The following MDN1 variants were observed in gnomAD, a reference collection of about 807,000 sequenced individuals.
MDN1 encodes midasin AAA ATPase 1.
A neutral mutation model predicts 669.2 loss-of-function variants in MDN1; 266 were observed. That is an observed-to-expected ratio of 0.40 (90% confidence interval 0.36 to 0.44). The LOEUF is 0.44. Among genes scored for constraint, MDN1 ranks in the 20% least tolerant of loss-of-function variants. The pLI is 1.00. For missense variants in MDN1, 5,940 were observed against 6,754.0 expected, an observed-to-expected ratio of 0.88 and a Z score of 4.22; for synonymous variants, 2,385 against 2,457.1, an observed-to-expected ratio of 0.97 and a Z score of 0.87.
At chr6:89,744,863 C>A (rs887118711) in intron 29 of MDN1, among the ~76,000 whole-genome samples, 1 of 152,052 alleles carries the variant, frequency 6.6e-6, no homozygotes, top group Admixed American at 6.6e-5. Flanking sequence ...GCCTGGACAA[C>A]AGAGTGAGAC....
At chr6:89,672,059 T>TA (rs1810822628) in intron 82 of MDN1, 141 bp downstream of exon 82, 4 of 811,494 alleles carry the variant, frequency 4.9e-6, no homozygotes, top group Non-Finnish European at 7.2e-6. Flanking sequence ...TTTGCACGTA[T>TA]AAATAAAGAG....
chr6:89,675,649 A>ACAGCTTTCTAGAG, intron 77 of MDN1, 70 bp from the exon 78 acceptor site: 1 of 1,334,932 alleles, frequency 7.5e-7, no homozygotes, highest in Non-Finnish European at 1.1e-6. Flanking sequence ...GCCTCTAGAA[A>ACAGCTTTCTAGAG]GCTGTTTCTA....
intron 82 of MDN1, among the ~76,000 whole-genome samples, chr6:89,671,770 T>C (rs760236657): frequency 2.0e-5 from 3 of 152,350 alleles, no homozygotes; most frequent in Non-Finnish European, 4.4e-5. Flanking sequence ...CAGAATAACA[T>C]ACAATGTCCT....
intron 7 of MDN1, 22 bp from the exon 8 acceptor site, chr6:89,787,979 G>A (rs376570664): frequency 2.7e-5 from 42 of 1,556,154 alleles, no homozygotes; most frequent in South Asian, 3.4e-5. Context: ...AACAACAACC[G>A]CACTGATAAA....
intron 95 of MDN1, 58 bp downstream of exon 95, chr6:89,652,134 G>T: frequency 1.4e-6 from 2 of 1,436,754 alleles, no homozygotes; most frequent in Non-Finnish European, 9.7e-7. Flanking sequence ...GCTATATGTT[G>T]AACAAACAAA....
chr6:89,704,425 G>A (rs1048751565), intron 53 of MDN1, among the ~76,000 whole-genome samples: 5 of 152,156 alleles, frequency 3.3e-5, no homozygotes, highest in Non-Finnish European at 7.3e-5. Context: ...TCCTGGTAAC[G>A]ATTTTTCTGA....
chr6:89,794,982 C>G (rs1819501507), intron 2 of MDN1, among the ~76,000 whole-genome samples, 181 bp from the exon 3 acceptor site: 1 of 152,012 alleles, frequency 6.6e-6, no homozygotes, highest in Non-Finnish European at 1.5e-5. Context: ...CTACTCTGAC[C>G]AAACCACAAA....
At chr6:89,700,952 C>A in intron 55 of MDN1, 96 bp from the exon 56 acceptor site, 1 of 1,023,338 alleles carries the variant, frequency 9.8e-7, no homozygotes, top group Non-Finnish European at 1.4e-6. Flanking sequence ...ATGATATATT[C>A]TTAATGTTTC....
Position 89,672,588 on chromosome 6 carries a change from G to A in MDN1, c.13589C>T (p.Ala4530Val). Residue 4530 changes from alanine to valine, a missense_variant, in exon 81 of 102, where the codon GCA becomes GTA. Coordinates refer to ENST00000369393, the MANE Select transcript of MDN1 (RefSeq NM_014611.3). ...GCTTGCTTGGTCAGTGTTCTCCTCT[G>A]CTTTTTCATTCTTTCTTTCTTCTAA... Reference protein sequence around the residue: ...QNLEERKNEKAEENTDQASPQ... With the variant: ...QNLEERKNEKVEENTDQASPQ... 6.2e-7 allele frequency: 1 copy of A among 1,614,096 alleles called. No individual in the cohort carries two copies. The highest frequency in any genetic ancestry group is 1.6e-4 in the Middle Eastern group (1 of 6,062).
chr6:89,806,479 G>A (rs951344179), intron 1 of MDN1, among the ~76,000 whole-genome samples: 3 of 152,178 alleles, frequency 2.0e-5, no homozygotes, highest in African/African-American at 7.2e-5. Context: ...CACTTTGGGA[G>A]GCAGAGGGTG....
chr6:89,748,645 A>G (rs969637243), intron 26 of MDN1, among the ~76,000 whole-genome samples: 2 of 152,152 alleles, frequency 1.3e-5, no homozygotes, highest in African/African-American at 4.8e-5. Flanking sequence ...AAATGCTTCA[A>G]TATTATACAC....
chr6:89,719,064 G>A (rs748429386), intron 41 of MDN1, 34 bp from the exon 42 acceptor site: 16 of 1,613,882 alleles, frequency 9.9e-6, no homozygotes, highest in Admixed American at 1.7e-5. Context: ...TTCCATAAGC[G>A]TGCCTGGTAG....
At chr6:89,701,847 T>G (rs1185171274) in intron 54 of MDN1, 57 bp downstream of exon 54, 1 of 1,563,150 alleles carries the variant, frequency 6.4e-7, no homozygotes, top group Non-Finnish European at 8.7e-7. Flanking sequence ...GTTCCAAATC[T>G]TATCCTTAAC....
chr6:89,807,053 T>C (rs1264061048), intron 1 of MDN1, among the ~76,000 whole-genome samples: 3 of 152,200 alleles, frequency 2.0e-5, no homozygotes, highest in South Asian at 2.1e-4. Flanking sequence ...TAAGACTTTT[T>C]ACATACAAAA....
chr6:89,782,078 T>C (rs1818702151), intron 9 of MDN1, among the ~76,000 whole-genome samples: 1 of 152,180 alleles, frequency 6.6e-6, no homozygotes. Flanking sequence ...CACCCACCTA[T>C]TTCACTCAAT....
Position 89,772,727 on chromosome 6 carries a change from A to G in MDN1, c.1935-6T>C, listed in dbSNP as rs1687476244. On this transcript the variant is annotated splice_region_variant and splice_polypyrimidine_tract_variant and intron_variant, in intron 13 of 101. Coordinates refer to ENST00000369393, the MANE Select transcript of MDN1 (RefSeq NM_014611.3). ...CAGCGAAAGTGAACTTCTCCCTGGG[A>G]AGGAGAAAAAAAGAGTTTAAAAACC... 1 of 1,612,190 alleles carries G rather than the reference A, an allele frequency of 6.2e-7. No homozygotes were observed. Among genetic ancestry groups the G allele is most frequent in the South Asian group, 1.1e-5 (1 of 90,946 alleles).
At chr6:89,798,697 C>T (rs1454702711) in intron 2 of MDN1, among the ~76,000 whole-genome samples, 18 of 152,138 alleles carry the variant, frequency 1.2e-4, no homozygotes. Flanking sequence ...ATACTAAAAA[C>T]CACTGAACTG....
At position 89,688,633 on chromosome 6, in the gene MDN1, A is replaced by C; in HGVS notation, c.11199T>G (p.Gly3733=). 6.2e-7 allele frequency: 1 copy of C among 1,614,090 alleles called. No homozygotes were observed. The highest frequency in any genetic ancestry group is 2.2e-5 in the East Asian group (1 of 44,886). ...EARQCQPVLQ[G]FSEAVSHLLQ... is the part of the protein sequence containing the mutation. The stretch of plus-strand genomic sequence containing the variant: ...GCAAGTGACTGACAGCCTCTGAGAA[A>C]CCTTGAAGCACAGGTTGACACTGCC... Residue 3733 remains glycine (G), a synonymous_variant, in exon 66 of 102, where the codon GGT becomes GGG. Transcript: ENST00000369393.
chr6:89,748,048 T>C (rs965233268), intron 26 of MDN1, among the ~76,000 whole-genome samples: 8 of 150,872 alleles, frequency 5.3e-5, no homozygotes, highest in Non-Finnish European at 8.9e-5. Flanking sequence ...GTAATGCAAA[T>C]GGGCGCAGTG....
Sources: allele counts gnomAD v4.1 joint callset (sites outside exome capture counted in the v4.1 genomes callset), GRCh38; gene constraint gnomAD v4.1.1; transcripts MANE v1.5; gene names NCBI Gene and HGNC (gene_info 2026-07-23, HGNC 2026-07-21).